Variants in PHLPP1 observed in about 807,000 individuals in gnomAD.
PHLPP1 encodes PH domain and leucine rich repeat protein phosphatase 1.
A neutral mutation model predicts 117.2 loss-of-function variants in PHLPP1; 42 were observed. The ratio of observed to expected loss-of-function variants is 0.36; its 90% CI spans 0.28 to 0.46. PHLPP1 has a LOEUF of 0.46. Among genes scored for constraint, PHLPP1 ranks in the 20% least tolerant of loss-of-function variants. The probability of loss-of-function intolerance (pLI) is 1.00; values close to 1 mark genes in which losing one functional copy is unlikely to be tolerated. For missense variants in PHLPP1, 2,084 were observed against 2,241.9 expected, an observed-to-expected ratio of 0.93 and a Z score of 1.42; for synonymous variants, 1,042 against 970.7, an observed-to-expected ratio of 1.07 and a Z score of -1.37.
Position 62,963,456 on chromosome 18 carries a change from T to C in PHLPP1, c.3544T>C (p.Ser1182Pro). Residue 1182 changes from serine (S) to proline (P), a missense_variant, in exon 14 of 17, where the codon TCG becomes CCG. By Grantham distance (74) the Ser-to-Pro change is moderately conservative (BLOSUM62 -1). Coordinates refer to ENST00000262719, the MANE Select transcript of PHLPP1 (RefSeq NM_194449.4). ...AVWSHGYTEA[S>P]GVKNKLCVAA... ...ATGGAGTCATGGTTACACTGAAGCTTCGGGGGTAAAAAACAAGTAAGTCAG... is the reference window on the plus strand; with the variant it reads ...ATGGAGTCATGGTTACACTGAAGCTCCGGGGGTAAAAAACAAGTAAGTCAG... The C allele has an allele frequency of 6.2e-7, 1 of 1,611,114 alleles. No individual in the cohort carries two copies.
chr18:62,814,877 A>G (rs1914219126), intron 1 of PHLPP1, among the ~76,000 whole-genome samples: 1 of 152,210 alleles, frequency 6.6e-6, no homozygotes, highest in African/African-American at 2.4e-5. Flanking sequence ...TGTTCAGTAA[A>G]TAGAATTATG....
In PHLPP1 at chr18:62,941,785, A is replaced by G. The variant is rs542983217; in HGVS notation, c.3028A>G (p.Thr1010Ala). ...TCCTCCAGCCACGCTTTCCGAAGAG[A>G]CAAACAGTATCTTACAAGAGTTGTA... ...SLPPATLSEE[T>A]NSILQELYLT... The change falls in exon 11 of 17, where the codon ACA (threonine) becomes GCA (alanine). Residue 1010 changes from threonine to alanine, a missense_variant. By Grantham distance (58) the Thr-to-Ala change is moderately conservative. Coordinates refer to ENST00000262719, the MANE Select transcript of PHLPP1 (RefSeq NM_194449.4). The G allele has an allele frequency of 6.2e-7, 1 of 1,613,974 alleles. No individual in the cohort carries two copies. The highest frequency in any genetic ancestry group is 1.3e-5 in the African/African-American group (1 of 75,046).
intron 1 of PHLPP1, among the ~76,000 whole-genome samples, chr18:62,775,485 A>C (rs939541918): frequency 6.6e-6 from 1 of 151,686 alleles, no homozygotes; most frequent in African/African-American, 2.4e-5. Context: ...TGTGCAGACA[A>C]CTCCCAAAGT....
At chr18:62,916,485 C>G (rs1432793099) in intron 9 of PHLPP1, among the ~76,000 whole-genome samples, 2 of 151,622 alleles carry the variant, frequency 1.3e-5, no homozygotes, top group Non-Finnish European at 2.9e-5. Flanking sequence ...TCATTATGTT[C>G]TGCAGCAATA....
At chr18:62,927,174 C>T (rs1344419090) in intron 10 of PHLPP1, among the ~76,000 whole-genome samples, 2 of 152,216 alleles carry the variant, frequency 1.3e-5, no homozygotes, top group African/African-American at 4.8e-5. Context: ...AGAGGACACA[C>T]AGCCCTTCCC....
intron 6 of PHLPP1, among the ~76,000 whole-genome samples, chr18:62,900,050 A>C (rs1916672089): frequency 6.6e-6 from 1 of 152,140 alleles, no homozygotes; most frequent in Non-Finnish European, 1.5e-5. Flanking sequence ...TAATCTCAGC[A>C]CTTTGGGAGG....
chr18:62,828,135 T>C (rs1914660156), intron 1 of PHLPP1, among the ~76,000 whole-genome samples: 1 of 152,082 alleles, frequency 6.6e-6, no homozygotes, highest in Admixed American at 6.6e-5. Flanking sequence ...TTTTTAGTCC[T>C]TCACTTGCTT....
At chr18:62,957,736 A>G (rs1304944326) in intron 12 of PHLPP1, among the ~76,000 whole-genome samples, 1 of 146,700 alleles carries the variant, frequency 6.8e-6, no homozygotes, top group Admixed American at 6.8e-5. Context: ...TTTTGGTGAG[A>G]TGGAGATTTA....
intron 13 of PHLPP1, among the ~76,000 whole-genome samples, chr18:62,960,199 G>A (rs1910727382): frequency 6.6e-6 from 1 of 152,066 alleles, no homozygotes; most frequent in African/African-American, 2.4e-5. Flanking sequence ...AAAAATTAAA[G>A]TTGCATTCTT....
intron 1 of PHLPP1, among the ~76,000 whole-genome samples, chr18:62,732,945 G>A (rs1911267545): frequency 6.6e-6 from 1 of 152,202 alleles, no homozygotes; most frequent in Non-Finnish European, 1.5e-5. Context: ...GAATGGATGA[G>A]GAATTTCCTC....
chr18:62,758,487 A>G (rs117443319), intron 1 of PHLPP1, among the ~76,000 whole-genome samples: 1,544 of 152,250 alleles, frequency 0.01, 13 homozygotes, highest in Non-Finnish European at 0.017. Flanking sequence ...CAAAACCTTT[A>G]TTTCTTTGTG....
chr18:62,931,314 GAC>G (rs1909799605), intron 10 of PHLPP1, among the ~76,000 whole-genome samples: 1 of 151,918 alleles, frequency 6.6e-6, no homozygotes, highest in African/African-American at 2.4e-5. Context: ...TGAAAATAGA[GAC>G]ACAATATACC....
chr18:62,965,173 GT>G (rs1910867128), intron 14 of PHLPP1, among the ~76,000 whole-genome samples: 2 of 152,054 alleles, frequency 1.3e-5, no homozygotes, highest in Non-Finnish European at 2.9e-5. Flanking sequence ...TTACCCTTTG[GT>G]TTTGCCAATA....
intron 10 of PHLPP1, among the ~76,000 whole-genome samples, chr18:62,925,619 A>G (rs948674874): frequency 1.3e-5 from 2 of 150,372 alleles, no homozygotes; most frequent in African/African-American, 5.0e-5. Flanking sequence ...AAAGACAGAT[A>G]TTTCTGGCAT....
At chr18:62,736,835 G>A (rs374594868) in intron 1 of PHLPP1, among the ~76,000 whole-genome samples, 31 of 152,168 alleles carry the variant, frequency 2.0e-4, no homozygotes, top group African/African-American at 7.0e-4. Flanking sequence ...GTAACTCTCA[G>A]GAAGTGATAT....
chr18:62,778,769 A>C (rs1275029375), intron 1 of PHLPP1, among the ~76,000 whole-genome samples: 1 of 152,226 alleles, frequency 6.6e-6, no homozygotes, highest in African/African-American at 2.4e-5. Context: ...AGGAGATAGA[A>C]TAATTTAGTC....
intron 1 of PHLPP1, among the ~76,000 whole-genome samples, chr18:62,736,160 A>G (rs1196758071): frequency 6.6e-6 from 1 of 152,014 alleles, no homozygotes; most frequent in Non-Finnish European, 1.5e-5. Context: ...CTGCTTGTTG[A>G]CTGCATTGTG....
At chr18:62,849,797 CAAAAAAAAAAAAAAAAAA>C (rs1159265423) in intron 3 of PHLPP1, among the ~76,000 whole-genome samples, 3 of 7,396 alleles carry the variant, frequency 4.1e-4, no homozygotes, top group Non-Finnish European at 7.2e-4. Flanking sequence ...CCTGTCTCTA[CAAAAAAAAAAAAAAAAAA>C]AAAAAAAAAA....
chr18:62,756,295 A>C (rs775832869), intron 1 of PHLPP1, among the ~76,000 whole-genome samples: 6 of 152,232 alleles, frequency 3.9e-5, no homozygotes, highest in African/African-American at 4.8e-5. Context: ...GCTTCAGCTC[A>C]CTTGGCAGAA....
Sources: gnomAD v4.1 joint callset for allele counts (sites outside exome capture counted in the v4.1 genomes callset) on GRCh38, gnomAD v4.1.1 for gene constraint, MANE v1.5 for transcripts, NCBI Gene and HGNC (gene_info 2026-07-23, HGNC 2026-07-21) for gene names.